The following IMMP2L variants were observed in gnomAD, a reference collection of about 807,000 sequenced individuals.
The protein encoded by IMMP2L is mitochondrial inner membrane protease subunit 2.
In IMMP2L, 18 loss-of-function variants were observed where a neutral mutation model predicts 19.3. The observed-to-expected ratio is 0.93, with a 90% CI of 0.64 to 1.38. The LOEUF (loss-of-function observed/expected upper bound fraction) is 1.38, where lower values mean the gene tolerates loss of function less well. Among genes scored for constraint, IMMP2L ranks in the 40% most tolerant of loss-of-function variants. The probability of loss-of-function intolerance (pLI) is 0.00; values close to 1 mark genes in which losing one functional copy is unlikely to be tolerated. For missense variants in IMMP2L, 233 were observed against 218.2 expected (o/e 1.07, Z -0.43); for synonymous variants, 76 against 73.0 (o/e 1.04, Z -0.21).
At chr7:111,238,255 G>A (rs967425220) in intron 3 of IMMP2L, among the ~76,000 whole-genome samples, 1 of 152,006 alleles carries the variant, frequency 6.6e-6, no homozygotes, top group African/African-American at 2.4e-5. Flanking sequence ...AATAGATGAT[G>A]TATTACAGGG....
intron 3 of IMMP2L, among the ~76,000 whole-genome samples, chr7:110,997,671 T>G (rs1334065359): frequency 6.6e-6 from 1 of 152,188 alleles, no homozygotes; most frequent in Non-Finnish European, 1.5e-5. Context: ...TTCAGTGATT[T>G]TTTTTCTGTT....
intron 5 of IMMP2L, among the ~76,000 whole-genome samples, chr7:110,798,854 A>T (rs1801049395): frequency 6.6e-6 from 1 of 151,962 alleles, no homozygotes; most frequent in African/African-American, 2.4e-5. Flanking sequence ...ATATAGAAAC[A>T]TACATATAAA....
At chr7:111,178,195 G>T (rs2129610431) in intron 3 of IMMP2L, among the ~76,000 whole-genome samples, 1 of 152,002 alleles carries the variant, frequency 6.6e-6, no homozygotes. Context: ...TAAATTTTTT[G>T]TTTTCCCAGT....
Position 110,924,649 on chromosome 7 carries a change from A to G in IMMP2L, c.306-37954T>C, listed in dbSNP as rs1304986389. On this transcript the variant is annotated intron_variant, in intron 4 of 5. Transcript: ENST00000405709. This position sits in a 1 kb window ranked among gnomAD's most constrained non-coding sequence, Gnocchi z 4.2. ...TTGGATGTCTAATTTTTTTCTTCAA[A>G]TAGCTTCTTTTTAATACTTAAACAC... Among the ~76,000 whole-genome samples, 1 of 152,186 alleles carries G rather than the reference A, an allele frequency of 6.6e-6. No homozygotes were observed. The highest frequency in any genetic ancestry group is 1.5e-5 in the Non-Finnish European group (1 of 68,026).
intron 3 of IMMP2L, among the ~76,000 whole-genome samples, chr7:111,237,814 G>A (rs73420092): frequency 0.012 from 1,797 of 152,024 alleles, 30 homozygotes; most frequent in Middle Eastern, 0.054. Flanking sequence ...TAGCTCATGA[G>A]CTCTAAAGTA....
intron 3 of IMMP2L, among the ~76,000 whole-genome samples, chr7:111,372,503 G>A (rs577924489): frequency 3.3e-5 from 5 of 151,974 alleles, no homozygotes; most frequent in South Asian, 4.2e-4. Context: ...ACCACAAAAT[G>A]AGCCACCTTA....
At position 110,806,451 on chromosome 7, in the gene IMMP2L, A is replaced by T. The variant is rs560867388; in HGVS notation, c.408+80142T>A. On this transcript the variant is annotated intron_variant, in intron 5 of 5. Coordinates refer to ENST00000405709, the MANE Select transcript of IMMP2L (RefSeq NM_032549.4). ...ATGGATCCAAGATAGCATTAAACTGATTATTTGAGAGGAATTATCCATAGT... is the reference window on the plus strand; with the variant it reads ...ATGGATCCAAGATAGCATTAAACTGTTTATTTGAGAGGAATTATCCATAGT... Among the ~76,000 whole-genome samples, 175 of 152,138 alleles carry T rather than the reference A, an allele frequency of 1.2e-3. 1 individual carries two copies. Among genetic ancestry groups the T allele is most frequent in the Non-Finnish European group, 1.1e-3 (72 of 67,940 alleles).
intron 2 of IMMP2L, among the ~76,000 whole-genome samples, chr7:111,498,030 C>T (rs919649504): frequency 6.6e-6 from 1 of 151,792 alleles, no homozygotes; most frequent in Non-Finnish European, 1.5e-5. Flanking sequence ...AAGCACTAAG[C>T]AATGAATTGT....
chr7:111,539,182 AGGAAGGAAGGAGGG>A (rs1563330331), intron 1 of IMMP2L, among the ~76,000 whole-genome samples: 3 of 70,222 alleles, frequency 4.3e-5, no homozygotes, highest in African/African-American at 1.4e-4. Context: ...GAAGGAAGGA[AGGAAGGAAGGAGGG>A]AGAAAGAAAG....
At chr7:110,963,440 G>A (rs1244872419) in intron 4 of IMMP2L, 60 bp downstream of exon 4, 2 of 1,180,392 alleles carry the variant, frequency 1.7e-6, no homozygotes, top group Admixed American at 2.0e-5. Flanking sequence ...CCCAAGTAAT[G>A]TAGGTAACAG....
chr7:111,107,970 A>G (rs1024748090), intron 3 of IMMP2L, among the ~76,000 whole-genome samples: 1 of 152,168 alleles, frequency 6.6e-6, no homozygotes, highest in African/African-American at 2.4e-5. Flanking sequence ...CTCAACTTAC[A>G]GCAGATATTG....
chr7:111,118,748 G>T (rs1397966008), intron 3 of IMMP2L, among the ~76,000 whole-genome samples: 1 of 151,966 alleles, frequency 6.6e-6, no homozygotes, highest in Non-Finnish European at 1.5e-5. Flanking sequence ...CATTTCCACA[G>T]ACTTAAGAAA....
At chr7:111,262,086 T>G (rs1817367800) in intron 3 of IMMP2L, among the ~76,000 whole-genome samples, 1 of 151,928 alleles carries the variant, frequency 6.6e-6, no homozygotes, top group Non-Finnish European at 1.5e-5. Flanking sequence ...ATTCAATCAA[T>G]AAATACACAG....
At chr7:110,976,710 A>G (rs888838189) in intron 3 of IMMP2L, among the ~76,000 whole-genome samples, 1 of 152,026 alleles carries the variant, frequency 6.6e-6, no homozygotes, top group Non-Finnish European at 1.5e-5. Flanking sequence ...ACAAGCACCT[A>G]GGTGATTCTG....
rs1800892656 is a variant in IMMP2L at position 111,123,417 on chromosome 7, C to A, written c.240-159852G>T. ...ACTTTAAGCCTCTTATCAATCTTCG[C>A]AGCCTGGTTATAGCTGGTATAAACC... On this transcript the variant is annotated intron_variant, in intron 3 of 5. Coordinates refer to ENST00000405709, the MANE Select transcript of IMMP2L (RefSeq NM_032549.4). The surrounding 1 kb of genome is among the most constrained non-coding windows in gnomAD (Gnocchi z 6.4). 8 of 1,613,568 alleles carry A rather than the reference C, an allele frequency of 5.0e-6. No individual in the cohort carries two copies. Among genetic ancestry groups the A allele is most frequent in the Non-Finnish European group, 6.8e-6 (8 of 1,179,836 alleles).
At chr7:111,542,142 T>C (rs1279536596) in intron 1 of IMMP2L, among the ~76,000 whole-genome samples, 1 of 152,130 alleles carries the variant, frequency 6.6e-6, no homozygotes, top group Non-Finnish European at 1.5e-5. Flanking sequence ...TAGTAAGGTT[T>C]TGTTTCATTT....
At chr7:110,859,857 T>C (rs1279937109) in intron 5 of IMMP2L, among the ~76,000 whole-genome samples, 1 of 152,078 alleles carries the variant, frequency 6.6e-6, no homozygotes, top group Non-Finnish European at 1.5e-5. Flanking sequence ...GTTCTAAACC[T>C]AGAATAGGAA....
intron 2 of IMMP2L, among the ~76,000 whole-genome samples, chr7:111,511,985 A>G (rs531548065): frequency 1.3e-5 from 2 of 152,162 alleles, no homozygotes; most frequent in Non-Finnish European, 2.9e-5. Flanking sequence ...ATTTCTTTAG[A>G]AGTTAAACAT....
At chr7:111,411,614 G>A (rs1834439866) in intron 3 of IMMP2L, 1 of 287,280 alleles carries the variant, frequency 3.5e-6, no homozygotes, top group Admixed American at 3.8e-5. Flanking sequence ...GGATCGGGAA[G>A]TGCACAAAAT....
Sources: allele counts gnomAD v4.1 joint callset (sites outside exome capture counted in the v4.1 genomes callset), GRCh38; gene constraint gnomAD v4.1.1; non-coding constraint Gnocchi (gnomAD v3.1); transcripts MANE v1.5; gene names NCBI Gene and HGNC (gene_info 2026-07-23, HGNC 2026-07-21).